SPATA21: variants seen among roughly 807,000 people sequenced by gnomAD.
SPATA21 encodes the protein spermatogenesis-associated protein 21.
A neutral mutation model predicts 54.8 loss-of-function variants in SPATA21; 47 were observed. That is an observed-to-expected ratio of 0.86 (90% CI 0.68 to 1.09). The LOEUF is 1.09. SPATA21 is among the 50% of genes least tolerant of loss of function. SPATA21 has a pLI of 0.00. For missense variants in SPATA21, 599 were observed against 596.4 expected, an observed-to-expected ratio of 1.00 and a Z score of -0.05; for synonymous variants, 245 against 235.3, an observed-to-expected ratio of 1.04 and a Z score of -0.38.
Position 16,426,244 on chromosome 1 carries a change from C to T in SPATA21, c.35-4273G>A, listed in dbSNP as rs547012608. Among the ~76,000 whole-genome samples, 7 of 149,348 alleles carry T rather than the reference C, an allele frequency of 4.7e-5. No homozygotes were observed. In the South Asian group the frequency reaches 8.3e-4, roughly 18 times the overall value. On this transcript the variant is annotated intron_variant, in intron 3 of 12. Transcript: ENST00000335496. ...TATTTCCTCCAAGCTTCTTCCTATG[C>T]GTATGCATACTTATTTATTTATTTA...
Position 16,421,044 on chromosome 1 carries a change from A to C in SPATA21, c.144+465T>G. 6.6e-6 allele frequency among the ~76,000 whole-genome samples: 1 copy of C among 152,132 alleles called. No individual in the cohort carries two copies. Reference sequence around the variant, plus strand: ...GAGACAGGGCAGATGCTGGCAGGGCATGCATGCTAGTGACTGTGTATTTGC... The same window carrying C: ...GAGACAGGGCAGATGCTGGCAGGGCCTGCATGCTAGTGACTGTGTATTTGC... On this transcript the variant is annotated intron_variant, in intron 5 of 12. Coordinates refer to ENST00000335496, the MANE Select transcript of SPATA21 (RefSeq NM_198546.1). This position sits in a 1 kb window ranked among gnomAD's most constrained non-coding sequence, Gnocchi z 5.2.
chr1:16,399,625 G>A, intron 11 of SPATA21, 104 bp from the exon 12 acceptor site: 1 of 1,331,336 alleles, frequency 7.5e-7, no homozygotes, highest in South Asian at 1.5e-5. Flanking sequence ...AATGACCTGA[G>A]TGGTTTGGGG....
chr1:16,406,668 G>A (rs1426535208), intron 7 of SPATA21, among the ~76,000 whole-genome samples: 4 of 152,184 alleles, frequency 2.6e-5, no homozygotes, highest in Non-Finnish European at 4.4e-5. Context: ...CTTGATCCCC[G>A]AAGGTGGAGG....
intron 3 of SPATA21, among the ~76,000 whole-genome samples, chr1:16,427,394 G>A (rs1044041648): frequency 1.3e-5 from 2 of 151,870 alleles, no homozygotes; most frequent in African/African-American, 2.4e-5. Flanking sequence ...CTTTCACTTT[G>A]CCTCTATCTG....
Position 16,403,756 on chromosome 1 carries a change from T to C in SPATA21, c.972A>G (p.Leu324=). The part of the protein sequence containing the change: ...ILSLLVEMLA[L]PEAVLEEITN... The stretch of plus-strand genomic sequence containing the variant: ...TGATTTCCTCTAAGACTGCCTCTGG[T>C]AAGGCCAGCATCTCTACCAGCAGGG... The change falls in exon 10 of 13, where the codon TTA becomes TTG. Residue 324 remains leucine (L), a synonymous_variant. Transcript: ENST00000335496. The C allele has an allele frequency of 6.2e-7, 1 of 1,614,092 alleles. No homozygotes were observed. The highest frequency in any genetic ancestry group is 8.5e-7 in the Non-Finnish European group (1 of 1,179,990).
chr1:16,432,114 C>CTTTTTTTT (rs35240103), intron 2 of SPATA21, among the ~76,000 whole-genome samples: 4 of 133,116 alleles, frequency 3.0e-5, no homozygotes, highest in Admixed American at 7.8e-5. Flanking sequence ...TCTTCTTCTT[C>CTTTTTTTT]TTTTTTTTTT....
intron 3 of SPATA21, chr1:16,425,830 C>G (rs970689926): frequency 4.3e-5 from 43 of 1,002,372 alleles, no homozygotes; most frequent in Middle Eastern, 2.5e-4. Flanking sequence ...ATAGCTAACG[C>G]CTGGAAGGAC....
chr1:16,425,962 T>G (rs1000178275), intron 3 of SPATA21, among the ~76,000 whole-genome samples: 1 of 152,138 alleles, frequency 6.6e-6, no homozygotes, highest in African/African-American at 2.4e-5. Context: ...TTGCCCAGGC[T>G]GGTCTTGAAC....
At chr1:16,424,545 G>A (rs2086269512) in intron 3 of SPATA21, among the ~76,000 whole-genome samples, 1 of 151,794 alleles carries the variant, frequency 6.6e-6, no homozygotes, top group South Asian at 2.1e-4. Context: ...AGTATCTGGA[G>A]TAGCTGGGGC....
intron 5 of SPATA21, among the ~76,000 whole-genome samples, chr1:16,415,819 A>G (rs865790289): frequency 1.1e-4 from 16 of 152,056 alleles, no homozygotes; most frequent in Non-Finnish European, 1.2e-4. Flanking sequence ...CGGCCTCCCA[A>G]AGTGCTGGGA....
intron 5 of SPATA21, among the ~76,000 whole-genome samples, chr1:16,416,415 T>C (rs1373247328): frequency 6.6e-6 from 1 of 152,014 alleles, no homozygotes; most frequent in Non-Finnish European, 1.5e-5. Flanking sequence ...CGGTGGCTCA[T>C]GCCTGTAATC....
intron 3 of SPATA21, chr1:16,425,565 T>C: frequency 1.3e-6 from 2 of 1,549,734 alleles, no homozygotes; most frequent in Non-Finnish European, 1.7e-6. Context: ...ATTCCCCGGT[T>C]CCGTTGCCTC....
intron 5 of SPATA21, among the ~76,000 whole-genome samples, chr1:16,420,979 T>G (rs1418431820): frequency 6.6e-6 from 1 of 151,894 alleles, no homozygotes; most frequent in Non-Finnish European, 1.5e-5. Context: ...GCTGAGTGAG[T>G]TTAGCCAGGG....
At position 16,400,830 on chromosome 1, in the gene SPATA21, C is replaced by T; in HGVS notation, c.1064G>A (p.Gly355Asp). 1.9e-6 allele frequency: 3 copies of T among 1,614,258 alleles called. No homozygotes were observed. Among genetic ancestry groups the T allele is most frequent in the Non-Finnish European group, 2.5e-6 (3 of 1,180,044 alleles). ...CKAQEMEAAV[G>D]RLRLQKLPYN... Reference sequence around the variant, plus strand: ...GGGAAGCTTCTGCAACCGCAGCCGGCCTACGGCCGCTTCCATCTCCTGGGC... The same window carrying T: ...GGGAAGCTTCTGCAACCGCAGCCGGTCTACGGCCGCTTCCATCTCCTGGGC... Residue 355 changes from glycine to aspartate, a missense_variant, in exon 11 of 13, where the codon GGC (glycine) becomes GAC (aspartate). Physicochemically the swap from Gly to Asp is moderately conservative, Grantham distance 94. Transcript: ENST00000335496.
chr1:16,402,011 G>A (rs182486471), intron 10 of SPATA21, among the ~76,000 whole-genome samples: 5 of 152,218 alleles, frequency 3.3e-5, no homozygotes, highest in Non-Finnish European at 7.4e-5. Context: ...TAACACCGTG[G>A]GCCAAGGGTG....
At chr1:16,431,176 T>C in intron 3 of SPATA21, 162 bp downstream of exon 3, 1 of 1,493,072 alleles carries the variant, frequency 6.7e-7, no homozygotes, top group Non-Finnish European at 9.0e-7. Context: ...GGAGGAAGCC[T>C]GGGCAGGGGA....
intron 7 of SPATA21, among the ~76,000 whole-genome samples, chr1:16,406,567 T>C (rs1468946248): frequency 6.7e-6 from 1 of 148,726 alleles, no homozygotes; most frequent in African/African-American, 2.4e-5. Context: ...CATAAGAGAC[T>C]CCATCTCTAC....
At chr1:16,435,099 C>T (rs780435123) in intron 1 of SPATA21, among the ~76,000 whole-genome samples, 1 of 152,130 alleles carries the variant, frequency 6.6e-6, no homozygotes, top group Non-Finnish European at 1.5e-5. Flanking sequence ...TCAAGGGATC[C>T]TCCCGCCTCA....
In SPATA21 at chr1:16,409,164, T is replaced by G; in HGVS notation, c.627A>C (p.Gln209His). 6.2e-7 allele frequency: 1 copy of G among 1,614,100 alleles called. No homozygotes were observed. The highest frequency in any genetic ancestry group is 2.2e-5 in the East Asian group (1 of 44,856). Reference protein sequence around the residue: ...PEEQSLQKLYQNREKSEEQLT... With the variant: ...PEEQSLQKLYHNREKSEEQLT... ...GTTGCTCCTCGGACTTCTCCCGGTT[T>G]TGATAAAGCTTTTGGAGGCTCTGCT... Residue 209 changes from glutamine (Q) to histidine (H), a missense_variant, in exon 7 of 13, where the codon CAA becomes CAC. Physicochemically the swap from Gln to His is conservative, Grantham distance 24. Coordinates refer to ENST00000335496, the MANE Select transcript of SPATA21 (RefSeq NM_198546.1). The surrounding 1 kb of genome is among the most constrained non-coding windows in gnomAD (Gnocchi z 4.1).
Sources: gnomAD v4.1 joint callset for allele counts (sites outside exome capture counted in the v4.1 genomes callset) on GRCh38, gnomAD v4.1.1 for gene constraint, Gnocchi (gnomAD v3.1) non-coding constraint, MANE v1.5 for transcripts, NCBI Gene and HGNC (gene_info 2026-07-23, HGNC 2026-07-21) for gene names.